Variants in CEP170 observed in about 807,000 individuals in gnomAD.
CEP170 encodes the protein centrosomal protein of 170 kDa.
Under a neutral mutation model 151.9 loss-of-function variants are expected in CEP170, and 21 were observed. That is an observed-to-expected ratio of 0.14 (90% CI 0.10 to 0.20). CEP170 has a LOEUF of 0.20. Ranked by LOEUF, CEP170 falls within the 10% of genes least tolerant of loss-of-function variation. CEP170 has a pLI of 1.00. For missense variants in CEP170, 964 were observed against 1,892.9 expected, an observed-to-expected ratio of 0.51 and a Z score of 9.11; for synonymous variants, 356 against 648.8, an observed-to-expected ratio of 0.55 and a Z score of 6.86.
Position 243,164,535 on chromosome 1 carries a change from C to T in CEP170, c.3425G>A (p.Arg1142His), listed in dbSNP as rs371016745. 2.2e-5 allele frequency: 35 copies of T among 1,612,698 alleles called. No individual in the cohort carries two copies. Among genetic ancestry groups the T allele is most frequent in the Non-Finnish European group, 2.3e-5 (27 of 1,179,310 alleles). The change falls in exon 13 of 20, where the codon CGT becomes CAT. Residue 1142 changes from arginine (R) to histidine (H), a missense_variant. Physicochemically the swap from Arg to His is conservative, Grantham distance 29 (BLOSUM62 0). Transcript: ENST00000366542. The part of the protein sequence containing the change: ...SSTSKPPTGR[R>H]NISRIDLLAQ... ...CAATAAATCAATCCGAGAGATGTTA[C>T]GCCTTCCTGTGGGAGGTTTTGATGT...
At chr1:243,251,762 C>T (rs58187242) in intron 1 of CEP170, among the ~76,000 whole-genome samples, 1 of 152,076 alleles carries the variant, frequency 6.6e-6, no homozygotes, top group Non-Finnish European at 1.5e-5. Flanking sequence ...TCTATACTTT[C>T]TGCAATTCCT....
chr1:243,219,542 T>C (rs2062606516), intron 3 of CEP170, among the ~76,000 whole-genome samples: 1 of 152,216 alleles, frequency 6.6e-6, no homozygotes, highest in African/African-American at 2.4e-5. Flanking sequence ...TTTCACCTGA[T>C]TATTTTTGGA....
intron 10 of CEP170, among the ~76,000 whole-genome samples, chr1:243,175,845 G>A (rs1161168109): frequency 6.6e-6 from 1 of 152,098 alleles, no homozygotes; most frequent in East Asian, 1.9e-4. Context: ...CGCCCAGGCC[G>A]GAGTGCAGTG....
chr1:243,134,804 T>G (rs2054848767), intron 17 of CEP170, among the ~76,000 whole-genome samples: 1 of 152,028 alleles, frequency 6.6e-6, no homozygotes, highest in Non-Finnish European at 1.5e-5. Flanking sequence ...CTCAGCTATT[T>G]TTTCACTAAG....
At chr1:243,204,221 G>T (rs1463730958) in intron 4 of CEP170, among the ~76,000 whole-genome samples, 2 of 152,110 alleles carry the variant, frequency 1.3e-5, no homozygotes, top group African/African-American at 4.8e-5. Flanking sequence ...TTCTCTGAAT[G>T]AAAGTTCTTA....
At chr1:243,148,481 C>T (rs4658539) in intron 14 of CEP170, among the ~76,000 whole-genome samples, 9,658 of 151,950 alleles carry the variant, frequency 0.064, 687 homozygotes, top group East Asian at 0.19. Context: ...CGCTGAGGCA[C>T]AAGAATTGCT....
chr1:243,246,226 CTTTTT>C (rs774096892), intron 1 of CEP170, among the ~76,000 whole-genome samples: 1 of 109,468 alleles, frequency 9.1e-6, no homozygotes, highest in African/African-American at 3.9e-5. Context: ...GTGTTGTTTA[CTTTTT>C]TTTTTTTTTT....
At chr1:243,191,885 A>C (rs2060328876) in intron 7 of CEP170, among the ~76,000 whole-genome samples, 1 of 152,198 alleles carries the variant, frequency 6.6e-6, no homozygotes, top group South Asian at 2.1e-4. Flanking sequence ...AAAAACCATG[A>C]ACTCCCTTCT....
intron 19 of CEP170, 57 bp from the exon 20 acceptor site, chr1:243,126,795 T>G: frequency 6.8e-7 from 1 of 1,463,208 alleles, no homozygotes; most frequent in Non-Finnish European, 9.1e-7. Context: ...ATATAAACAC[T>G]GTTCATGATT....
At chr1:243,222,225 C>T (rs1306343222) in intron 2 of CEP170, among the ~76,000 whole-genome samples, 1 of 152,062 alleles carries the variant, frequency 6.6e-6, no homozygotes, top group Non-Finnish European at 1.5e-5. Context: ...TGAGCATAAA[C>T]TATTCAAAGA....
In CEP170 at chr1:243,165,102, G is replaced by A; in HGVS notation, c.2858C>T (p.Thr953Ile). Reference sequence around the variant, plus strand: ...GCTAGTGAAACTCTTTCGCTTTTGGGTTGACTTTCTTTCAGTTTCTCCAGT... The same window carrying A: ...GCTAGTGAAACTCTTTCGCTTTTGGATTGACTTTCTTTCAGTTTCTCCAGT... ...LVTGETERKS[T>I]QKRKSFTSLY... Residue 953 changes from threonine (T) to isoleucine (I), a missense_variant, in exon 13 of 20, where the codon ACC becomes ATC. Physicochemically the swap from Thr to Ile is moderately conservative, Grantham distance 89. Transcript: ENST00000366542. 1 of 1,612,220 alleles carries A rather than the reference G, an allele frequency of 6.2e-7. No homozygotes were observed. The highest frequency in any genetic ancestry group is 8.5e-7 in the Non-Finnish European group (1 of 1,179,226).
rs1241693102 is a variant in CEP170 at position 243,125,364 on chromosome 1, C to T, written c.*1085G>A. 1 of 152,616 alleles carries T rather than the reference C, an allele frequency of 6.6e-6. No homozygotes were observed. The highest frequency in any genetic ancestry group is 1.5e-5 in the Non-Finnish European group (1 of 68,050). The allele number at this position is 152,616 out of a possible 1,614,324, so 9.5% of individuals were successfully genotyped here. ...CCTTATAAATGTGTAAGACAGACAGCATTTACTATTGAGTCCTACAGGGAA... is the reference window on the plus strand; with the variant it reads ...CCTTATAAATGTGTAAGACAGACAGTATTTACTATTGAGTCCTACAGGGAA... On this transcript the variant is annotated 3_prime_UTR_variant, in exon 20 of 20. Coordinates refer to ENST00000366542, the MANE Select transcript of CEP170 (RefSeq NM_014812.3).
intron 1 of CEP170, among the ~76,000 whole-genome samples, chr1:243,231,568 A>C (rs1476710654): frequency 1.3e-5 from 2 of 152,174 alleles, no homozygotes; most frequent in African/African-American, 4.8e-5. Context: ...GGAGGAATGG[A>C]GATGTGCACA....
At chr1:243,239,472 A>T (rs2064600333) in intron 1 of CEP170, among the ~76,000 whole-genome samples, 1 of 152,212 alleles carries the variant, frequency 6.6e-6, no homozygotes, top group Non-Finnish European at 1.5e-5. Context: ...TACATTTATA[A>T]AAGTAAATGT....
chr1:243,179,653 TTAGCCAATC>T (rs2059492281), intron 10 of CEP170, among the ~76,000 whole-genome samples: 1 of 152,218 alleles, frequency 6.6e-6, no homozygotes. Flanking sequence ...TTGAAATAAG[TTAGCCAATC>T]TACAACGAAT....
chr1:243,188,377 A>T (rs2060067313), intron 8 of CEP170, among the ~76,000 whole-genome samples: 2 of 152,218 alleles, frequency 1.3e-5, no homozygotes, highest in Non-Finnish European at 2.9e-5. Flanking sequence ...TTGTAGTTCA[A>T]AACTTTTCTT....
chr1:243,180,810 G>C (rs1399396081), intron 10 of CEP170, among the ~76,000 whole-genome samples: 4 of 152,104 alleles, frequency 2.6e-5, no homozygotes, highest in African/African-American at 7.2e-5. Context: ...TTTTGTTATA[G>C]GTCTCCTGGC....
chr1:243,156,893 T>C (rs2057610673), intron 13 of CEP170: 1 of 153,474 alleles, frequency 6.5e-6, no homozygotes, highest in East Asian at 1.9e-4. Flanking sequence ...GATTTCCTCA[T>C]GCCACATGGA....
intron 13 of CEP170, among the ~76,000 whole-genome samples, chr1:243,157,497 TA>T (rs1201717487): frequency 6.6e-6 from 1 of 152,208 alleles, no homozygotes; most frequent in African/African-American, 2.4e-5. Context: ...AGCAAATGTT[TA>T]ACAAATATTT....
Sources: allele counts gnomAD v4.1 joint callset (sites outside exome capture counted in the v4.1 genomes callset), GRCh38; gene constraint gnomAD v4.1.1; transcripts MANE v1.5; gene names NCBI Gene and HGNC (gene_info 2026-07-23, HGNC 2026-07-21).